The following ACOX3 variants were observed in gnomAD, a reference collection of about 807,000 sequenced individuals.
The protein encoded by ACOX3 is peroxisomal acyl-coenzyme A oxidase 3.
A neutral mutation model predicts 81.5 loss-of-function variants in ACOX3; 73 were observed. That is an observed-to-expected ratio of 0.90 (90% CI 0.74 to 1.09). The LOEUF is 1.09. Ranked by LOEUF, ACOX3 falls within the 50% of genes least tolerant of loss-of-function variation. The pLI is 0.00. For synonymous variants in ACOX3, 387 were observed against 375.1 expected (o/e 1.03, Z -0.37); for missense variants, 947 against 928.0 (o/e 1.02, Z -0.27).
Position 8,399,479 on chromosome 4 carries a change from G to A in ACOX3, c.873+77C>T. 2 of 1,282,028 alleles carry A rather than the reference G, an allele frequency of 1.6e-6. No homozygotes were observed. The highest frequency in any genetic ancestry group is 4.7e-5 in the East Asian group (2 of 42,554). 79.4% of individuals were successfully genotyped at this position (1,282,028 alleles called of 1,614,324 possible). ...GGAGGGGTCTCCTTTCCAGGTGCAGGGAGGAGCACAGAGCCAGGCCCTGCA... is the reference window on the plus strand; with the variant it reads ...GGAGGGGTCTCCTTTCCAGGTGCAGAGAGGAGCACAGAGCCAGGCCCTGCA... On this transcript the variant is annotated intron_variant, in intron 8 of 17. Transcript: ENST00000356406. This position sits in a 1 kb window ranked among gnomAD's most constrained non-coding sequence, Gnocchi z 4.9.
intron 14 of ACOX3, among the ~76,000 whole-genome samples, chr4:8,378,988 G>GGTCA (rs1257384613): frequency 6.6e-6 from 1 of 152,158 alleles, no homozygotes; most frequent in Non-Finnish European, 1.5e-5. Flanking sequence ...CCTGGCTCCA[G>GGTCA]GTCAGTGGCT....
intron 1 of ACOX3, among the ~76,000 whole-genome samples, chr4:8,418,488 A>T (rs1001563974): frequency 2.6e-5 from 4 of 151,652 alleles, no homozygotes; most frequent in African/African-American, 9.7e-5. Flanking sequence ...AATTCTTAAG[A>T]CTCAATAATA....
Position 8,397,136 on chromosome 4 carries a change from G to C in ACOX3, c.874-17C>G, listed in dbSNP as rs201928901. ...CCTGACGTCCTACGGGAGGGACACA[G>C]ATGATAAGCTCAAGCCCGGCTGCGC... is the stretch of plus-strand genomic sequence containing the variant. On this transcript the variant is annotated splice_polypyrimidine_tract_variant and intron_variant, in intron 8 of 17. Transcript: ENST00000356406. The C allele has an allele frequency of 1.0e-4, 155 of 1,536,088 alleles. 1 individual carries two copies. In the Middle Eastern group the frequency reaches 2.8e-3, roughly 28 times the overall value.
At chr4:8,366,035 C>T (rs764171332), downstream of ACOX3, among the ~76,000 whole-genome samples, 1 of 152,182 alleles carries the variant, frequency 6.6e-6, no homozygotes, top group Non-Finnish European at 1.5e-5. Context: ...CGAAGGCCTT[C>T]CGTGCCCTGA....
chr4:8,418,540 A>C (rs761043806), intron 1 of ACOX3, among the ~76,000 whole-genome samples: 2 of 152,190 alleles, frequency 1.3e-5, no homozygotes, highest in Non-Finnish European at 2.9e-5. Flanking sequence ...AAGGGTTCAA[A>C]TAGACATTTC....
At chr4:8,410,487 T>G in intron 5 of ACOX3, 132 bp from the exon 6 acceptor site, 2 of 1,225,062 alleles carry the variant, frequency 1.6e-6, no homozygotes, top group South Asian at 2.9e-5. Flanking sequence ...TAATCGCACA[T>G]TTTAGTTCTT....
chr4:8,409,604 C>A (rs1721456990), intron 6 of ACOX3, among the ~76,000 whole-genome samples: 1 of 91,158 alleles, frequency 1.1e-5, no homozygotes, highest in African/African-American at 3.3e-5. Context: ...GCAGGGCTAT[C>A]TGTACTGTGG....
Position 8,389,829 on chromosome 4 carries a change from G to C in ACOX3, c.1301-95C>G, listed in dbSNP as rs1323379422. 6.6e-7 allele frequency: 1 copy of C among 1,525,124 alleles called. No homozygotes were observed. Among genetic ancestry groups the C allele is most frequent in the Non-Finnish European group, 8.9e-7 (1 of 1,124,616 alleles). 94.5% of individuals were successfully genotyped at this position (1,525,124 alleles called of 1,614,324 possible). The stretch of plus-strand genomic sequence containing the variant: ...AATTTAAAAAGCCTTAAGAGGCTGG[G>C]TGCGGTGGCTCACACCTGTAATGGC... On this transcript the variant is annotated intron_variant, in intron 11 of 17. Transcript: ENST00000356406. The surrounding 1 kb of genome is among the most constrained non-coding windows in gnomAD (Gnocchi z 5.3).
intron 16 of ACOX3, among the ~76,000 whole-genome samples, chr4:8,372,603 C>T (rs998603670): frequency 6.6e-6 from 1 of 152,204 alleles, no homozygotes; most frequent in South Asian, 2.1e-4. Flanking sequence ...TGGCCACATA[C>T]GTGCGCCACA....
chr4:8,429,179 A>G (rs1208722819), intron 1 of ACOX3, among the ~76,000 whole-genome samples: 1 of 152,214 alleles, frequency 6.6e-6, no homozygotes, highest in African/African-American at 2.4e-5. Context: ...TTACAGAGAC[A>G]GTGTTGTACC....
Position 8,385,154 on chromosome 4 carries a change from G to C in ACOX3, c.1538-3547C>G, listed in dbSNP as rs373022411. The stretch of plus-strand genomic sequence containing the variant: ...TTAAAGCCTAGCTCAAGGTCACAGC[G>C]GGGGGCAGTGCTGACCCAATAGCCT... On this transcript the variant is annotated intron_variant, in intron 13 of 17. Coordinates refer to ENST00000356406, the MANE Select transcript of ACOX3 (RefSeq NM_003501.3). The surrounding 1 kb of genome is among the most constrained non-coding windows in gnomAD (Gnocchi z 5.5). Among the ~76,000 whole-genome samples the C allele has an allele frequency of 1.2e-4, 18 of 152,208 alleles. No individual in the cohort carries two copies. The East Asian group carries it at 3.1e-3, about 26-fold the overall frequency.
intron 5 of ACOX3, among the ~76,000 whole-genome samples, chr4:8,413,885 G>A (rs1020212731): frequency 6.6e-6 from 1 of 152,262 alleles, no homozygotes; most frequent in African/African-American, 2.4e-5. Flanking sequence ...CAGAGGGACA[G>A]CCACAAAGGG....
rs567967145 is a variant in ACOX3 at position 8,406,039 on chromosome 4, C to T, written c.692G>A (p.Arg231Gln). The T allele has an allele frequency of 8.1e-6, 13 of 1,613,950 alleles. No individual in the cohort carries two copies. The highest frequency in any genetic ancestry group is 2.7e-5 in the African/African-American group (2 of 75,032). Reference sequence around the variant, plus strand: ...CATGGGAAGAAGGGTCTTCGGGTCCCGGATCTATACAAAGCCACAGAAAGC... The same window carrying T: ...CATGGGAAGAAGGGTCTTCGGGTCCTGGATCTATACAAAGCCACAGAAAGC... ...HGLHPFIVQI[R>Q]DPKTLLPMPG... is the part of the protein sequence containing the mutation. The change falls in exon 7 of 18, where the codon CGG (arginine) becomes CAG (glutamine). Residue 231 changes from arginine (R) to glutamine (Q), a missense_variant. Coordinates refer to ENST00000356406, the MANE Select transcript of ACOX3 (RefSeq NM_003501.3). The surrounding 1 kb of genome is among the most constrained non-coding windows in gnomAD (Gnocchi z 5.6).
rs367999146 is a variant in ACOX3 at position 8,429,549 on chromosome 4, G to C, written c.-15+11099C>G. Reference sequence around the variant, plus strand: ...TATCTTATCAGTTAATTGTATTCTTGGATGTGCTGGGAGTCAGCTTGCACA... The same window carrying C: ...TATCTTATCAGTTAATTGTATTCTTCGATGTGCTGGGAGTCAGCTTGCACA... On this transcript the variant is annotated intron_variant, in intron 1 of 17. Coordinates refer to ENST00000356406, the MANE Select transcript of ACOX3 (RefSeq NM_003501.3). 3.9e-4 allele frequency among the ~76,000 whole-genome samples: 59 copies of C among 152,278 alleles called. No individual in the cohort carries two copies. In the East Asian group the frequency reaches 7.1e-3, roughly 18 times the overall value.
Position 8,416,280 on chromosome 4 carries a change from G to T in ACOX3, c.144+98C>A. 1 of 1,599,182 alleles carries T rather than the reference G, an allele frequency of 6.3e-7. No individual in the cohort carries two copies. Among genetic ancestry groups the T allele is most frequent in the Non-Finnish European group, 8.5e-7 (1 of 1,169,878 alleles). On this transcript the variant is annotated intron_variant, in intron 2 of 17. Transcript: ENST00000356406. This position sits in a 1 kb window ranked among gnomAD's most constrained non-coding sequence, Gnocchi z 4.2. ...GCGCTGCCTGGGATGAGCCTCGCCCGGCAGAGGAGGAGCTGTGAGAGCCAG... is the reference window on the plus strand; with the variant it reads ...GCGCTGCCTGGGATGAGCCTCGCCCTGCAGAGGAGGAGCTGTGAGAGCCAG...
In ACOX3 at chr4:8,375,075, C is replaced by T. The variant is rs1716760603; in HGVS notation, c.1731G>A (p.Gln577=). 4 of 1,554,572 alleles carry T rather than the reference C, an allele frequency of 2.6e-6. No homozygotes were observed. In the East Asian group the frequency reaches 7.2e-5, roughly 28 times the overall value. Residue 577 remains glutamine (Q), a synonymous_variant, in exon 15 of 18, where the codon CAG becomes CAA. Transcript: ENST00000356406. ...VVQRFHEHVH[Q]PSVPPSLRAV... ...CCCGCAGCGAGGGCGGCACGGAAGGCTGGTGCACGTGCTCGTGGAACCTCT... is the reference window on the plus strand; with the variant it reads ...CCCGCAGCGAGGGCGGCACGGAAGGTTGGTGCACGTGCTCGTGGAACCTCT...
At chr4:8,361,762 A>T (rs1715238195), downstream of ACOX3, among the ~76,000 whole-genome samples, 1 of 150,422 alleles carries the variant, frequency 6.6e-6, no homozygotes, top group Admixed American at 6.7e-5. Flanking sequence ...TTTCATTAAG[A>T]ATTAATTGGC....
In ACOX3 at chr4:8,382,808, C is replaced by A. The variant is rs1176556970; in HGVS notation, c.1538-1201G>T. 6.6e-6 allele frequency among the ~76,000 whole-genome samples: 1 copy of A among 151,780 alleles called. No individual in the cohort carries two copies. Among genetic ancestry groups the A allele is most frequent in the Non-Finnish European group, 1.5e-5 (1 of 67,928 alleles). On this transcript the variant is annotated intron_variant, in intron 13 of 17. Transcript: ENST00000356406. The surrounding 1 kb of genome is among the most constrained non-coding windows in gnomAD (Gnocchi z 4.1). ...GAGATCGAGACCATCCTGGCTAACA[C>A]GGTGAAACCCCGTCTCTACTAAAAA...
At chr4:8,424,183 T>C (rs1723229487) in intron 1 of ACOX3, among the ~76,000 whole-genome samples, 1 of 152,244 alleles carries the variant, frequency 6.6e-6, no homozygotes, top group South Asian at 2.1e-4. Flanking sequence ...CATAACAGGC[T>C]TCTGCCGAAT....
Sources: allele counts gnomAD v4.1 joint callset (sites outside exome capture counted in the v4.1 genomes callset), GRCh38; gene constraint gnomAD v4.1.1; non-coding constraint Gnocchi (gnomAD v3.1); transcripts MANE v1.5; gene names NCBI Gene and HGNC (gene_info 2026-07-23, HGNC 2026-07-21).